The following TAFA2 variants were observed in gnomAD, a reference collection of about 807,000 sequenced individuals.
TAFA2 encodes the protein chemokine-like protein TAFA-2.
A neutral mutation model predicts 18.8 loss-of-function variants in TAFA2; 7 were observed. The observed-to-expected ratio is 0.37, with a 90% CI of 0.21 to 0.70. TAFA2 has a LOEUF of 0.70. Ranked by LOEUF, TAFA2 falls within the 30% of genes least tolerant of loss-of-function variation. The pLI, the probability that TAFA2 is intolerant of heterozygous loss-of-function variation, is 0.53. For missense variants in TAFA2, 122 were observed against 158.1 expected (o/e 0.77, Z 1.23); for synonymous variants, 60 against 54.2 (o/e 1.11, Z -0.47).
chr12:61,863,896 G>A (rs1874230978), intron 2 of TAFA2, among the ~76,000 whole-genome samples: 1 of 152,246 alleles, frequency 6.6e-6, no homozygotes, highest in South Asian at 2.1e-4. Flanking sequence ...GGTAGACGAG[G>A]CCATCTATCT....
intron 1 of TAFA2, among the ~76,000 whole-genome samples, chr12:62,085,248 T>C (rs1052626759): frequency 3.9e-5 from 6 of 152,154 alleles, no homozygotes; most frequent in Non-Finnish European, 7.4e-5. Context: ...AAATGAAAAG[T>C]GCATCTATTC....
At chr12:62,238,866 T>C (rs1321035565) in intron 1 of TAFA2, among the ~76,000 whole-genome samples, 4 of 152,230 alleles carry the variant, frequency 2.6e-5, no homozygotes, top group Admixed American at 6.5e-5. Flanking sequence ...ATATCCTAAA[T>C]GTGACTGATT....
At position 62,255,738 on chromosome 12, in the gene TAFA2, C is replaced by T. The variant is rs111296084; in HGVS notation, c.-130+3025G>A. On this transcript the variant is annotated intron_variant, in intron 1 of 5. Transcript: ENST00000551619. ...GCATGGTGGCACATGCATGTAATCC[C>T]AGCTACTCAGGAGGCTGAGGCACGA... Among the ~76,000 whole-genome samples the T allele has an allele frequency of 3.1e-3, 468 of 151,846 alleles. 1 individual carries two copies. Among genetic ancestry groups the T allele is most frequent in the African/African-American group, 9.8e-3 (406 of 41,400 alleles).
chr12:61,840,947 AG>A (rs1232832600), intron 2 of TAFA2, among the ~76,000 whole-genome samples: 1 of 152,144 alleles, frequency 6.6e-6, no homozygotes, highest in African/African-American at 2.4e-5. Context: ...TCAACATAAA[AG>A]TGTCAAGATC....
At chr12:61,824,082 C>G (rs780905701) in intron 2 of TAFA2, among the ~76,000 whole-genome samples, 37 of 152,164 alleles carry the variant, frequency 2.4e-4, no homozygotes, top group Non-Finnish European at 4.6e-4. Flanking sequence ...TAGATTCTCC[C>G]TTGTCAGCTG....
intron 1 of TAFA2, among the ~76,000 whole-genome samples, chr12:61,976,925 GA>G (rs1879457726): frequency 1.3e-5 from 2 of 151,966 alleles, no homozygotes; most frequent in South Asian, 4.1e-4. Flanking sequence ...GTCTATCATT[GA>G]TGGACATTTG....
intron 1 of TAFA2, among the ~76,000 whole-genome samples, chr12:62,151,007 A>AAG (rs1276061331): frequency 6.6e-6 from 1 of 152,132 alleles, no homozygotes; most frequent in East Asian, 1.9e-4. Flanking sequence ...AAAAAAAAAA[A>AAG]AGACAGTCAC....
chr12:62,203,683 C>T (rs2062680954), intron 1 of TAFA2, among the ~76,000 whole-genome samples: 1 of 152,130 alleles, frequency 6.6e-6, no homozygotes, highest in Non-Finnish European at 1.5e-5. Context: ...TTTCCATTTG[C>T]TTGGGAAATT....
At chr12:62,050,219 G>T (rs1882014586) in intron 1 of TAFA2, among the ~76,000 whole-genome samples, 1 of 152,028 alleles carries the variant, frequency 6.6e-6, no homozygotes, top group Non-Finnish European at 1.5e-5. Context: ...AGGGGACACA[G>T]ATTCTAAAAA....
At chr12:61,758,105 A>G (rs1314507284) in intron 2 of TAFA2, among the ~76,000 whole-genome samples, 1 of 152,052 alleles carries the variant, frequency 6.6e-6, no homozygotes, top group Non-Finnish European at 1.5e-5. Context: ...AGCTATTTCT[A>G]TTGCTGTTAA....
intron 1 of TAFA2, among the ~76,000 whole-genome samples, chr12:62,071,113 A>C (rs1229755334): frequency 6.6e-6 from 1 of 152,220 alleles, no homozygotes; most frequent in Non-Finnish European, 1.5e-5. Context: ...TGATGAAGAG[A>C]ATCTGTGGAG....
chr12:62,249,260 CCTT>C (rs1406547950), intron 1 of TAFA2, among the ~76,000 whole-genome samples: 2 of 115,648 alleles, frequency 1.7e-5, no homozygotes, highest in Non-Finnish European at 3.5e-5. Flanking sequence ...ACTGCTCCCT[CCTT>C]TTTTTTCCTA....
chr12:61,849,135 C>A (rs773542402), intron 2 of TAFA2, among the ~76,000 whole-genome samples: 15 of 152,068 alleles, frequency 9.9e-5, no homozygotes, highest in Non-Finnish European at 2.1e-4. Flanking sequence ...TGAGTCACTG[C>A]GCCCGGCCAT....
At chr12:62,009,522 C>G (rs1246818948) in intron 1 of TAFA2, among the ~76,000 whole-genome samples, 3 of 152,084 alleles carry the variant, frequency 2.0e-5, no homozygotes, top group Non-Finnish European at 2.9e-5. Flanking sequence ...GAAACGCTCT[C>G]AAAGAAAAGT....
rs565570535 is a variant in TAFA2 at position 62,011,089 on chromosome 12, G to A, written c.-1-143663C>T. On this transcript the variant is annotated intron_variant, in intron 1 of 4. Coordinates refer to ENST00000416284, the MANE Select transcript of TAFA2 (RefSeq NM_178539.5). ...CCGCCCCGTCTGGGAGGTGGGGAGC[G>A]CCTCTGCCCGGCCACCCATCGTCTG... 4.2e-3 allele frequency among the ~76,000 whole-genome samples: 635 copies of A among 149,458 alleles called. 9 individuals are homozygous for A. The highest frequency in any genetic ancestry group is 0.015 in the African/African-American group (601 of 39,978).
At chr12:62,113,775 C>T (rs543634126) in intron 1 of TAFA2, among the ~76,000 whole-genome samples, 2 of 152,156 alleles carry the variant, frequency 1.3e-5, no homozygotes, top group African/African-American at 4.8e-5. Flanking sequence ...AACTTCCTGG[C>T]GGCTTTGTTT....
At chr12:61,861,362 G>A (rs767391351) in intron 2 of TAFA2, among the ~76,000 whole-genome samples, 10 of 148,096 alleles carry the variant, frequency 6.8e-5, no homozygotes, top group East Asian at 2.1e-4. Flanking sequence ...CAGTCCTCCC[G>A]CCTCAGCCTC....
chr12:62,104,021 TC>T (rs756301935), intron 1 of TAFA2, among the ~76,000 whole-genome samples: 7 of 152,154 alleles, frequency 4.6e-5, no homozygotes, highest in Non-Finnish European at 1.0e-4. Flanking sequence ...CATAAATCAT[TC>T]CTGTACCACA....
At chr12:61,847,597 G>A (rs2121148123) in intron 2 of TAFA2, among the ~76,000 whole-genome samples, 1 of 152,288 alleles carries the variant, frequency 6.6e-6, no homozygotes, top group Middle Eastern at 3.4e-3. Flanking sequence ...CCTAAAAGGA[G>A]TGAATTTTCT....
Sources: gnomAD v4.1 joint callset for allele counts (sites outside exome capture counted in the v4.1 genomes callset) on GRCh38, gnomAD v4.1.1 for gene constraint, MANE v1.5 for transcripts, NCBI Gene and HGNC (gene_info 2026-07-23, HGNC 2026-07-21) for gene names.